Variants in DISC1 observed in about 807,000 individuals in gnomAD.
DISC1 encodes the protein disrupted in schizophrenia 1 protein.
Under a neutral mutation model 84.5 loss-of-function variants are expected in DISC1, and 57 were observed. The ratio of observed to expected loss-of-function variants is 0.67; its 90% CI spans 0.55 to 0.84. The LOEUF is 0.84. Among genes scored for constraint, DISC1 ranks in the 40% least tolerant of loss-of-function variants. The pLI, the probability that DISC1 is intolerant of heterozygous loss-of-function variation, is 0.00. For synonymous variants in DISC1, 411 were observed against 415.2 expected, an observed-to-expected ratio of 0.99 and a Z score of 0.12; for missense variants, 1,000 against 1,057.8, an observed-to-expected ratio of 0.95 and a Z score of 0.76.
intron 1 of DISC1, among the ~76,000 whole-genome samples, chr1:231,656,697 A>G (rs1342756660): frequency 6.6e-6 from 1 of 152,158 alleles, no homozygotes; most frequent in African/African-American, 2.4e-5. Context: ...AACGTGTGCC[A>G]TGGTGGTTTG....
intron 9 of DISC1, among the ~76,000 whole-genome samples, chr1:231,893,471 C>A (rs1415257420): frequency 6.6e-6 from 1 of 152,154 alleles, no homozygotes; most frequent in Non-Finnish European, 1.5e-5. Context: ...TATTAGTCAG[C>A]TCCTGCTTTG....
chr1:231,899,957 T>TG (rs1378122472), intron 9 of DISC1, among the ~76,000 whole-genome samples: 1 of 152,194 alleles, frequency 6.6e-6, no homozygotes, highest in African/African-American at 2.4e-5. Flanking sequence ...TATGAGACTA[T>TG]ATAAGTGATT....
intron 10 of DISC1, among the ~76,000 whole-genome samples, chr1:231,962,461 A>T (rs1272989916): frequency 2.0e-5 from 3 of 152,152 alleles, no homozygotes; most frequent in Non-Finnish European, 2.9e-5. Flanking sequence ...CCCAAGGCTG[A>T]TGGAACCATA....
intron 4 of DISC1, among the ~76,000 whole-genome samples, chr1:231,762,335 T>G (rs1371828558): frequency 6.7e-6 from 1 of 149,986 alleles, no homozygotes; most frequent in Non-Finnish European, 1.5e-5. Context: ...CTTCCTGCCT[T>G]CCTTCCTTTC....
chr1:231,737,972 C>T (rs2125241238), intron 3 of DISC1, among the ~76,000 whole-genome samples: 1 of 152,342 alleles, frequency 6.6e-6, no homozygotes, highest in East Asian at 1.9e-4. Flanking sequence ...ATCCTCCCAC[C>T]TCAGCCTCCT....
chr1:231,885,624 T>C (rs1360300331), intron 9 of DISC1, among the ~76,000 whole-genome samples: 1 of 152,216 alleles, frequency 6.6e-6, no homozygotes, highest in African/African-American at 2.4e-5. Flanking sequence ...GTGGGTAGTC[T>C]GGGATTATGT....
intron 9 of DISC1, among the ~76,000 whole-genome samples, chr1:231,946,792 A>G (rs796453266): frequency 5.3e-5 from 8 of 152,360 alleles, no homozygotes; most frequent in African/African-American, 1.7e-4. Context: ...AAAAATCACA[A>G]GCATTCCCAT....
chr1:231,767,463 A>AT (rs371867031), intron 5 of DISC1, among the ~76,000 whole-genome samples, 194 bp downstream of exon 5: 421 of 152,166 alleles, frequency 2.8e-3, no homozygotes, highest in African/African-American at 9.6e-3. Flanking sequence ...GCCTGGCTAA[A>AT]TTTTTTTATT....
At chr1:231,707,512 T>A (rs201905604) in intron 3 of DISC1, among the ~76,000 whole-genome samples, 2 of 152,162 alleles carry the variant, frequency 1.3e-5, no homozygotes, top group African/African-American at 2.4e-5. Context: ...CTCAAGTATG[T>A]GTCATGAGAC....
chr1:231,961,556 A>G (rs541927659), intron 10 of DISC1, among the ~76,000 whole-genome samples: 8 of 152,236 alleles, frequency 5.3e-5, no homozygotes, highest in East Asian at 1.9e-4. Context: ...GTCAGTCTCC[A>G]GTATCTATTG....
chr1:231,741,657 G>C (rs746948012), intron 3 of DISC1, among the ~76,000 whole-genome samples: 6 of 152,156 alleles, frequency 3.9e-5, no homozygotes, highest in Non-Finnish European at 8.8e-5. Flanking sequence ...CTACCTGCAG[G>C]GTTGGCAGGA....
intron 6 of DISC1, among the ~76,000 whole-genome samples, chr1:231,786,367 T>C (rs1334782456): frequency 6.6e-6 from 1 of 152,212 alleles, no homozygotes; most frequent in Non-Finnish European, 1.5e-5. Flanking sequence ...GGTGTAATTC[T>C]CTAAGTGTCG....
intron 8 of DISC1, among the ~76,000 whole-genome samples, chr1:231,802,968 T>G (rs1049300952): frequency 1.2e-4 from 19 of 152,190 alleles, no homozygotes; most frequent in African/African-American, 4.1e-4. Flanking sequence ...TACAATAGTA[T>G]CCCATATCCA....
intron 9 of DISC1, among the ~76,000 whole-genome samples, chr1:231,870,276 A>G (rs2085362539): frequency 6.6e-6 from 1 of 152,268 alleles, no homozygotes; most frequent in African/African-American, 2.4e-5. Flanking sequence ...CAGTGTGATA[A>G]GTGCATGGAG....
intron 9 of DISC1, among the ~76,000 whole-genome samples, chr1:231,834,764 G>A (rs2082506532): frequency 6.6e-6 from 1 of 151,982 alleles, no homozygotes; most frequent in African/African-American, 2.4e-5. Context: ...GGGATGGGGG[G>A]TTCTTGCCCC....
intron 9 of DISC1, among the ~76,000 whole-genome samples, chr1:231,902,325 A>G (rs2088242822): frequency 6.6e-6 from 1 of 152,166 alleles, no homozygotes; most frequent in Non-Finnish European, 1.5e-5. Context: ...AGTTGGATAT[A>G]CAATTATTAT....
intron 2 of DISC1, among the ~76,000 whole-genome samples, chr1:231,699,605 C>T (rs532086886): frequency 5.3e-5 from 8 of 152,298 alleles, no homozygotes; most frequent in Non-Finnish European, 8.8e-5. Flanking sequence ...ACCATCCTCA[C>T]TATCATCCAA....
chr1:231,683,825 A>C (rs1478389814), intron 1 of DISC1, among the ~76,000 whole-genome samples: 1 of 151,504 alleles, frequency 6.6e-6, no homozygotes, highest in Non-Finnish European at 1.5e-5. Context: ...CCCTGGGCCT[A>C]TTCCCATCCT....
At chr1:231,943,027 A>G (rs201706925) in intron 9 of DISC1, among the ~76,000 whole-genome samples, 31 of 152,246 alleles carry the variant, frequency 2.0e-4, no homozygotes, top group Non-Finnish European at 4.1e-4. Flanking sequence ...AACTGTGGAT[A>G]TCGGTAAAAG....
Sources: gnomAD v4.1 joint callset for allele counts (sites outside exome capture counted in the v4.1 genomes callset) on GRCh38, gnomAD v4.1.1 for gene constraint, MANE v1.5 for transcripts, NCBI Gene and HGNC (gene_info 2026-07-23, HGNC 2026-07-21) for gene names.